The following COL19A1 variants were observed in gnomAD, a reference collection of about 807,000 sequenced individuals.
COL19A1 encodes collagen type XIX alpha 1 chain.
COL19A1 carries 159 observed loss-of-function variants against 190.2 expected under a neutral mutation model. The ratio of observed to expected loss-of-function variants is 0.84; its 90% confidence interval spans 0.73 to 0.95. COL19A1 has a LOEUF of 0.95. Ranked by LOEUF, COL19A1 falls within the 40% of genes least tolerant of loss-of-function variation. The probability of loss-of-function intolerance (pLI) is 0.00; values close to 1 mark genes in which losing one functional copy is unlikely to be tolerated. For synonymous variants in COL19A1, 509 were observed against 458.9 expected (o/e 1.11, Z -1.39); for missense variants, 1,418 against 1,431.9 (o/e 0.99, Z 0.16).
rs898443345 is a variant in COL19A1 at position 70,211,983 on chromosome 6, A to G, written c.*4709A>G. Among the ~76,000 whole-genome samples the G allele has an allele frequency of 1.3e-5, 2 of 152,180 alleles. No individual in the cohort carries two copies. Among genetic ancestry groups the G allele is most frequent in the Admixed American group, 1.3e-4 (2 of 15,274 alleles). Reference sequence around the variant, plus strand: ...ACTGGAGGAGTTAGCTACTTGCTTCATGAATTTGTCAAAAGTGAATACTAA... The same window carrying G: ...ACTGGAGGAGTTAGCTACTTGCTTCGTGAATTTGTCAAAAGTGAATACTAA... On this transcript the variant is annotated 3_prime_UTR_variant, in exon 51 of 51. Transcript: ENST00000620364.
intron 4 of COL19A1, among the ~76,000 whole-genome samples, chr6:69,922,627 C>T (rs570570376): frequency 7.0e-4 from 107 of 151,876 alleles, no homozygotes; most frequent in South Asian, 5.2e-3. Flanking sequence ...ATTACAGGCG[C>T]GTGCCACCAT....
chr6:69,997,445 A>T (rs1344587889), intron 11 of COL19A1, among the ~76,000 whole-genome samples: 1 of 152,238 alleles, frequency 6.6e-6, no homozygotes. Context: ...CAAAGACTTT[A>T]CAGAAATATT....
At chr6:70,183,220 C>T (rs181612986) in intron 44 of COL19A1, among the ~76,000 whole-genome samples, 12 of 152,222 alleles carry the variant, frequency 7.9e-5, no homozygotes, top group African/African-American at 2.2e-4. Flanking sequence ...AGCAAAGATA[C>T]GTGGTTTTCT....
intron 20 of COL19A1, 82 bp downstream of exon 20, chr6:70,141,071 G>A (rs1786221361): frequency 6.4e-6 from 8 of 1,249,590 alleles, no homozygotes; most frequent in Non-Finnish European, 9.1e-6. Context: ...GTTTACTTTG[G>A]AGTCTAATAG....
intron 2 of COL19A1, among the ~76,000 whole-genome samples, chr6:69,886,542 G>A (rs758295853): frequency 2.0e-5 from 3 of 151,982 alleles, no homozygotes; most frequent in Non-Finnish European, 4.4e-5. Flanking sequence ...CATATTCATT[G>A]CAACGTTATT....
chr6:69,942,423 T>C (rs1773530698), intron 9 of COL19A1, among the ~76,000 whole-genome samples: 1 of 152,168 alleles, frequency 6.6e-6, no homozygotes, highest in Non-Finnish European at 1.5e-5. Flanking sequence ...TTCAATAAAT[T>C]ATTGTTAACC....
chr6:70,036,453 G>T (rs1216040586), intron 14 of COL19A1, among the ~76,000 whole-genome samples: 1 of 152,160 alleles, frequency 6.6e-6, no homozygotes, highest in Non-Finnish European at 1.5e-5. Context: ...CAATATTTTA[G>T]TGACAGATTT....
intron 25 of COL19A1, 93 bp downstream of exon 25, chr6:70,145,100 G>A: frequency 2.2e-6 from 2 of 926,892 alleles, no homozygotes; most frequent in Non-Finnish European, 3.4e-6. Context: ...ATGGGAATAA[G>A]TTTAGGTCTG....
At chr6:69,877,952 A>G (rs1007961926) in intron 1 of COL19A1, among the ~76,000 whole-genome samples, 2 of 151,950 alleles carry the variant, frequency 1.3e-5, no homozygotes, top group African/African-American at 4.8e-5. Flanking sequence ...TGGAGGTTGC[A>G]GTGAGCCGAG....
intron 16 of COL19A1, among the ~76,000 whole-genome samples, chr6:70,118,713 T>C (rs1784720826): frequency 6.6e-6 from 1 of 152,212 alleles, no homozygotes; most frequent in African/African-American, 2.4e-5. Context: ...CATATGAAAA[T>C]GTAGAAGTAA....
chr6:69,918,874 T>C (rs1032430452), intron 4 of COL19A1, among the ~76,000 whole-genome samples: 3 of 152,218 alleles, frequency 2.0e-5, no homozygotes, highest in African/African-American at 7.2e-5. Context: ...GGAATCCTTG[T>C]GGAGGGATGT....
chr6:70,025,934 C>T (rs552366676), intron 12 of COL19A1, among the ~76,000 whole-genome samples: 8 of 152,262 alleles, frequency 5.3e-5, no homozygotes, highest in Admixed American at 1.3e-4. Flanking sequence ...AACATGTTGA[C>T]CGTTCTGTGT....
chr6:70,102,355 A>G, intron 16 of COL19A1, 133 bp downstream of exon 16: 1 of 697,094 alleles, frequency 1.4e-6, no homozygotes, highest in Non-Finnish European at 2.6e-6. Flanking sequence ...TGGTTTCAGC[A>G]TTTGGATGAG....
chr6:70,164,103 G>A (rs1787982628), intron 36 of COL19A1, among the ~76,000 whole-genome samples: 1 of 152,148 alleles, frequency 6.6e-6, no homozygotes, highest in South Asian at 2.1e-4. Context: ...AGAGACAGTC[G>A]AGAAGTTCTG....
chr6:69,880,588 CA>C (rs1768470079), intron 2 of COL19A1, among the ~76,000 whole-genome samples: 8 of 152,170 alleles, frequency 5.3e-5, no homozygotes, highest in African/African-American at 1.7e-4. Flanking sequence ...TATAATTACT[CA>C]TAAAGATCTA....
intron 2 of COL19A1, among the ~76,000 whole-genome samples, chr6:69,897,334 G>C (rs1769853988): frequency 6.6e-6 from 1 of 152,050 alleles, no homozygotes; most frequent in South Asian, 2.1e-4. Flanking sequence ...CAACCCCACA[G>C]TATAAAAAAA....
chr6:69,979,590 T>C (rs1582589509), intron 11 of COL19A1, among the ~76,000 whole-genome samples: 1 of 151,750 alleles, frequency 6.6e-6, no homozygotes, highest in East Asian at 1.9e-4. Context: ...AATTTAGACT[T>C]AAGGAGATAA....
chr6:69,997,980 C>T (rs1336613829), intron 11 of COL19A1, among the ~76,000 whole-genome samples: 4 of 151,846 alleles, frequency 2.6e-5, no homozygotes, highest in Non-Finnish European at 4.4e-5. Flanking sequence ...AAAGCAATAA[C>T]AGAAAAACAA....
intron 12 of COL19A1, among the ~76,000 whole-genome samples, chr6:70,027,686 T>C (rs1393224204): frequency 6.7e-6 from 1 of 149,868 alleles, no homozygotes; most frequent in African/African-American, 2.5e-5. Flanking sequence ...ACAAAACATA[T>C]ATTAAAATTT....
Sources: allele counts gnomAD v4.1 joint callset (sites outside exome capture counted in the v4.1 genomes callset), GRCh38; gene constraint gnomAD v4.1.1; transcripts MANE v1.5; gene names NCBI Gene and HGNC (gene_info 2026-07-23, HGNC 2026-07-21).